The following DOCK4 variants were observed in gnomAD, a reference collection of about 807,000 sequenced individuals.
DOCK4 encodes the protein dedicator of cytokinesis 4.
Under a neutral mutation model 268.1 loss-of-function variants are expected in DOCK4, and 97 were observed. The ratio of observed to expected loss-of-function variants is 0.36; its 90% CI spans 0.31 to 0.43. The LOEUF is 0.43. DOCK4 is among the 20% of genes least tolerant of loss of function. The pLI is 1.00. For missense variants in DOCK4, 2,145 were observed against 2,455.7 expected (o/e 0.87, Z 2.67); for synonymous variants, 954 against 887.2 (o/e 1.08, Z -1.34).
chr7:112,179,245 G>A (rs957090796), intron 1 of DOCK4, among the ~76,000 whole-genome samples: 1 of 152,150 alleles, frequency 6.6e-6, no homozygotes, highest in East Asian at 1.9e-4. Flanking sequence ...AATTTTCCCG[G>A]TGTGGTGGCA....
chr7:112,134,177 A>C (rs1207391478), intron 1 of DOCK4, among the ~76,000 whole-genome samples: 1 of 152,188 alleles, frequency 6.6e-6, no homozygotes, highest in Non-Finnish European at 1.5e-5. Context: ...TAATTTATAG[A>C]GTTAAGACAG....
chr7:111,913,571 G>A (rs928250262), intron 13 of DOCK4, among the ~76,000 whole-genome samples: 8 of 151,636 alleles, frequency 5.3e-5, no homozygotes, highest in African/African-American at 1.5e-4. Context: ...CACCACGCCC[G>A]GCTAATTTTT....
intron 1 of DOCK4, among the ~76,000 whole-genome samples, chr7:112,187,550 C>A (rs1819581061): frequency 6.6e-6 from 1 of 152,148 alleles, no homozygotes; most frequent in Non-Finnish European, 1.5e-5. Context: ...TGATTTACTA[C>A]AGAGAACTAT....
Position 111,935,641 on chromosome 7 carries a change from T to C in DOCK4, c.978-13A>G. 1.2e-6 allele frequency: 2 copies of C among 1,607,232 alleles called. No individual in the cohort carries two copies. Among genetic ancestry groups the C allele is most frequent in the African/African-American group, 1.3e-5 (1 of 74,694 alleles). On this transcript the variant is annotated splice_polypyrimidine_tract_variant and intron_variant, in intron 11 of 52. Transcript: ENST00000428084. ...CTCTGTGTTACACCTATGAAAACAT[T>C]AACACTCTGTTAAGCTTTAATGATG... is the stretch of plus-strand genomic sequence containing the variant.
At chr7:111,939,507 T>G (rs1434194255) in intron 11 of DOCK4, among the ~76,000 whole-genome samples, 3 of 131,400 alleles carry the variant, frequency 2.3e-5, no homozygotes, top group African/African-American at 8.7e-5. Flanking sequence ...AGAGCGAGAC[T>G]CCTTCTCAAA....
At chr7:111,849,902 G>A (rs189572854) in intron 23 of DOCK4, among the ~76,000 whole-genome samples, 20 of 152,150 alleles carry the variant, frequency 1.3e-4, no homozygotes, top group Non-Finnish European at 2.6e-4. Flanking sequence ...TGAGTCTTCT[G>A]AGGTTCTGTG....
At chr7:112,142,134 G>A (rs1814991948) in intron 1 of DOCK4, among the ~76,000 whole-genome samples, 1 of 152,172 alleles carries the variant, frequency 6.6e-6, no homozygotes, top group Non-Finnish European at 1.5e-5. Context: ...GTCCCTGTGA[G>A]GTAGGTACTA....
intron 12 of DOCK4, among the ~76,000 whole-genome samples, chr7:111,920,581 A>C (rs1183580672): frequency 6.6e-6 from 1 of 151,922 alleles, no homozygotes; most frequent in African/African-American, 2.4e-5. Context: ...TCCTGGCCTC[A>C]CCTGCTATCT....
At chr7:112,090,153 A>G (rs1201106977) in intron 1 of DOCK4, among the ~76,000 whole-genome samples, 1 of 152,220 alleles carries the variant, frequency 6.6e-6, no homozygotes, top group African/African-American at 2.4e-5. Context: ...CAATCACACA[A>G]ATAAATGCAT....
At chr7:112,121,676 T>G (rs897599596) in intron 1 of DOCK4, among the ~76,000 whole-genome samples, 2 of 152,224 alleles carry the variant, frequency 1.3e-5, no homozygotes, top group Non-Finnish European at 2.9e-5. Context: ...TTAGATTTCA[T>G]TTGCAGACAG....
At chr7:111,955,109 C>T (rs1586486239) in intron 8 of DOCK4, among the ~76,000 whole-genome samples, 3 of 152,134 alleles carry the variant, frequency 2.0e-5, no homozygotes, top group African/African-American at 2.4e-5. Context: ...ATCTTAGGGT[C>T]GAAGACTTTT....
At chr7:112,021,825 G>A (rs1234170935) in intron 1 of DOCK4, among the ~76,000 whole-genome samples, 1 of 152,098 alleles carries the variant, frequency 6.6e-6, no homozygotes, top group Non-Finnish European at 1.5e-5. Context: ...TTCTTCCAGA[G>A]TTTCTTCGCC....
chr7:112,069,052 A>G lies in DOCK4; in HGVS notation c.38-64921T>C, dbSNP rs192871090. ...CCTCAAAGAAGTAAATGTGCTTGACATTTAAAATGCACTCTTGCATATCTT... is the reference window on the plus strand; with the variant it reads ...CCTCAAAGAAGTAAATGTGCTTGACGTTTAAAATGCACTCTTGCATATCTT... On this transcript the variant is annotated intron_variant, in intron 1 of 52. Coordinates refer to ENST00000428084, the MANE Select transcript of DOCK4 (RefSeq NM_001363540.2). 2.7e-3 allele frequency among the ~76,000 whole-genome samples: 407 copies of G among 152,334 alleles called. 3 individuals carry two copies. The highest frequency in any genetic ancestry group is 4.9e-3 in the Non-Finnish European group (332 of 68,030).
intron 1 of DOCK4, among the ~76,000 whole-genome samples, chr7:112,101,563 CTG>C (rs1161107278): frequency 7.9e-5 from 12 of 152,208 alleles, no homozygotes; most frequent in Non-Finnish European, 5.9e-5. Context: ...TTGATGTTAA[CTG>C]TTGTTATGAT....
chr7:112,128,338 TGAGGGGCGCCTCTGCCC>T (rs1361565791), intron 1 of DOCK4, among the ~76,000 whole-genome samples: 1 of 150,094 alleles, frequency 6.7e-6, no homozygotes, highest in Non-Finnish European at 1.5e-5. Flanking sequence ...GTCCGGGAGG[TGAGGGGCGCCTCTGCCC>T]GGCCGCCCCT....
chr7:111,743,128 C>T (rs548558542), intron 44 of DOCK4, among the ~76,000 whole-genome samples: 6 of 152,322 alleles, frequency 3.9e-5, no homozygotes, highest in African/African-American at 1.4e-4. Flanking sequence ...GGTAAACATT[C>T]AACCTTCCTT....
Position 111,784,152 on chromosome 7 carries a change from T to A in DOCK4, c.3402-29A>T, listed in dbSNP as rs765990970. The A allele has an allele frequency of 2.6e-6, 4 of 1,562,002 alleles. No individual in the cohort carries two copies. In the East Asian group the frequency reaches 9.1e-5, roughly 36 times the overall value. The stretch of plus-strand genomic sequence containing the variant: ...ATCCAGGAAGCATTGACAAAGCAAA[T>A]TGATTTTCAGATTATCCAAGTCATA... On this transcript the variant is annotated intron_variant, in intron 32 of 52. Transcript: ENST00000428084.
chr7:111,760,781 T>TGTGTGTGTGTGA (rs61045792), intron 39 of DOCK4, among the ~76,000 whole-genome samples: 36 of 143,438 alleles, frequency 2.5e-4, no homozygotes, highest in African/African-American at 9.4e-4. Context: ...TGTGTGTGTG[T>TGTGTGTGTGTGA]GTATTCTGCC....
chr7:112,154,135 C>A (rs1239691164), intron 1 of DOCK4, among the ~76,000 whole-genome samples: 1 of 152,018 alleles, frequency 6.6e-6, no homozygotes, highest in East Asian at 1.9e-4. Flanking sequence ...CCATGTCCAG[C>A]TCATTTTTTT....
Sources: allele counts gnomAD v4.1 joint callset (sites outside exome capture counted in the v4.1 genomes callset), GRCh38; gene constraint gnomAD v4.1.1; transcripts MANE v1.5; gene names NCBI Gene and HGNC (gene_info 2026-07-23, HGNC 2026-07-21).